NR3C2: variants seen among roughly 807,000 people sequenced by gnomAD.
NR3C2 encodes the protein mineralocorticoid receptor.
A neutral mutation model predicts 86.4 loss-of-function variants in NR3C2; 15 were observed. The observed-to-expected ratio is 0.17, with a 90% CI of 0.12 to 0.27. The LOEUF (loss-of-function observed/expected upper bound fraction) is 0.27, where lower values mean the gene tolerates loss of function less well. Ranked by LOEUF, NR3C2 falls within the 10% of genes least tolerant of loss-of-function variation. NR3C2 has a pLI of 1.00. For missense variants in NR3C2, 960 were observed against 1,195.6 expected, an observed-to-expected ratio of 0.80 and a Z score of 2.91; for synonymous variants, 458 against 450.5, an observed-to-expected ratio of 1.02 and a Z score of -0.21.
At chr4:148,162,980 G>C (rs1734733047) in intron 4 of NR3C2, among the ~76,000 whole-genome samples, 1 of 152,230 alleles carries the variant, frequency 6.6e-6, no homozygotes, top group African/African-American at 2.4e-5. Flanking sequence ...TTCCAGAGTA[G>C]AGGATGAGGT....
intron 2 of NR3C2, among the ~76,000 whole-genome samples, chr4:148,367,542 T>C (rs1746208698): frequency 6.6e-6 from 1 of 152,166 alleles, no homozygotes; most frequent in Non-Finnish European, 1.5e-5. Flanking sequence ...TGTATAAACA[T>C]AGATATTAGC....
At chr4:148,329,699 T>C (rs903456716) in intron 2 of NR3C2, among the ~76,000 whole-genome samples, 25 of 152,238 alleles carry the variant, frequency 1.6e-4, no homozygotes, top group African/African-American at 6.0e-4. Context: ...TAGGACTTTC[T>C]ACATTTTATA....
chr4:148,348,397 T>C (rs1044693085), intron 2 of NR3C2, among the ~76,000 whole-genome samples: 2 of 152,172 alleles, frequency 1.3e-5, no homozygotes, highest in African/African-American at 4.8e-5. Flanking sequence ...CTGTTTTTTA[T>C]ATCTCCAGCA....
At position 148,081,232 on chromosome 4, in the gene NR3C2, T is replaced by C; in HGVS notation, c.*112A>G. 3.5e-6 allele frequency: 5 copies of C among 1,413,684 alleles called. No individual in the cohort carries two copies. Among genetic ancestry groups the C allele is most frequent in the Admixed American group, 1.8e-5 (1 of 54,732 alleles). 87.6% of individuals were successfully genotyped at this position (1,413,684 alleles called of 1,614,324 possible). A position where few individuals can be genotyped will look rare whatever the true frequency, so the allele number is the denominator to read the frequency against. ...ACATGACTTTAAACTTGAGAAACTG[T>C]TGAACAAGTGTGAATCAACCATCAC... On this transcript the variant is annotated 3_prime_UTR_variant, in exon 9 of 9. Transcript: ENST00000358102.
chr4:148,161,114 C>A (rs1222886255), intron 4 of NR3C2, among the ~76,000 whole-genome samples: 2 of 152,110 alleles, frequency 1.3e-5, no homozygotes, highest in African/African-American at 4.8e-5. Flanking sequence ...ATTAGCTTGT[C>A]AATTGATTAT....
At chr4:148,441,237 T>A (rs531024986) in intron 1 of NR3C2, among the ~76,000 whole-genome samples, 48 of 152,340 alleles carry the variant, frequency 3.2e-4, no homozygotes, top group Non-Finnish European at 5.6e-4. Context: ...CACTTTAAAT[T>A]ATTTTTTAAA....
In NR3C2 at chr4:148,221,877, G is replaced by C. The variant is rs112121083; in HGVS notation, c.1898-27015C>G. 2.9e-3 allele frequency among the ~76,000 whole-genome samples: 395 copies of C among 134,040 alleles called. 2 individuals carry two copies. Among genetic ancestry groups the C allele is most frequent in the Non-Finnish European group, 3.9e-3 (251 of 64,828 alleles). The allele number at this position is 134,040 out of a possible 152,430, so 87.9% of individuals were successfully genotyped here. Reference sequence around the variant, plus strand: ...CCATTGCACTCCAGCCTGGGTGACAGAGCAAGACTCTGTCTTAAAAAAAAA... The same window carrying C: ...CCATTGCACTCCAGCCTGGGTGACACAGCAAGACTCTGTCTTAAAAAAAAA... On this transcript the variant is annotated intron_variant, in intron 3 of 8. Coordinates refer to ENST00000358102, the MANE Select transcript of NR3C2 (RefSeq NM_000901.5).
chr4:148,154,985 T>C (rs959243013), intron 4 of NR3C2, 84 bp from the exon 5 acceptor site: 205 of 1,064,870 alleles, frequency 1.9e-4, no homozygotes, highest in Non-Finnish European at 2.6e-4. Flanking sequence ...ACAGTTTTCC[T>C]CTAAATAGAT....
At chr4:148,246,854 T>TA (rs1393021938) in intron 3 of NR3C2, among the ~76,000 whole-genome samples, 2 of 152,316 alleles carry the variant, frequency 1.3e-5, no homozygotes, top group African/African-American at 4.8e-5. Context: ...GTGCCTGGCC[T>TA]AATTTTATAA....
intron 3 of NR3C2, among the ~76,000 whole-genome samples, chr4:148,251,855 G>C (rs1405514461): frequency 6.6e-6 from 1 of 152,078 alleles, no homozygotes; most frequent in Non-Finnish European, 1.5e-5. Context: ...TTAGAGTATA[G>C]CAAGATAACT....
intron 2 of NR3C2, among the ~76,000 whole-genome samples, chr4:148,340,748 A>G (rs572355430): frequency 7.2e-5 from 11 of 152,286 alleles, no homozygotes; most frequent in Admixed American, 3.9e-4. Context: ...TAATCAGAAT[A>G]TATAAGGAAC....
At chr4:148,165,556 A>G (rs61757920) in intron 4 of NR3C2, among the ~76,000 whole-genome samples, 1 of 152,068 alleles carries the variant, frequency 6.6e-6, no homozygotes, top group Non-Finnish European at 1.5e-5. Flanking sequence ...ATTACTTAAC[A>G]TATATTATCA....
chr4:148,082,595 A>G (rs1015024395), intron 8 of NR3C2, among the ~76,000 whole-genome samples: 6 of 151,164 alleles, frequency 4.0e-5, no homozygotes, highest in African/African-American at 1.5e-4. Context: ...TTGGGTGCCT[A>G]TGCCACCAGG....
At chr4:148,215,918 T>C (rs1737511004) in intron 3 of NR3C2, among the ~76,000 whole-genome samples, 1 of 151,884 alleles carries the variant, frequency 6.6e-6, no homozygotes, top group African/African-American at 2.4e-5. Context: ...TAGCTGGGAC[T>C]ATAGGCGCCC....
chr4:148,339,957 C>CA (rs1203659961), intron 2 of NR3C2, among the ~76,000 whole-genome samples: 1 of 151,304 alleles, frequency 6.6e-6, no homozygotes, highest in Non-Finnish European at 1.5e-5. Flanking sequence ...TACAGTGGCT[C>CA]AAAAAAAATT....
At chr4:148,301,755 TC>T (rs1379135163) in intron 2 of NR3C2, among the ~76,000 whole-genome samples, 2 of 152,204 alleles carry the variant, frequency 1.3e-5, no homozygotes, top group African/African-American at 2.4e-5. Context: ...TTAACAGGCT[TC>T]CCAAAATCCA....
chr4:148,160,245 C>T lies in NR3C2; in HGVS notation c.2015-5344G>A, dbSNP rs1734595951. On this transcript the variant is annotated intron_variant, in intron 4 of 8. Transcript: ENST00000358102. ...CCCCGAGGAACTGGCACTGGGGAGGCCCTGCTTCCTATCCTGACCAACCTG... is the reference window on the plus strand; with the variant it reads ...CCCCGAGGAACTGGCACTGGGGAGGTCCTGCTTCCTATCCTGACCAACCTG... 2.6e-5 allele frequency among the ~76,000 whole-genome samples: 4 copies of T among 152,226 alleles called. No individual in the cohort carries two copies. The South Asian group carries it at 8.3e-4, about 32-fold the overall frequency.
intron 3 of NR3C2, among the ~76,000 whole-genome samples, chr4:148,255,735 A>G (rs1739801108): frequency 6.6e-6 from 1 of 152,172 alleles, no homozygotes; most frequent in Non-Finnish European, 1.5e-5. Context: ...AATCTAGTCA[A>G]CTCTGTTCAC....
chr4:148,218,186 T>C (rs1390317202), intron 3 of NR3C2, among the ~76,000 whole-genome samples: 6 of 152,164 alleles, frequency 3.9e-5, no homozygotes, highest in Non-Finnish European at 7.3e-5. Context: ...AAAACAAAGG[T>C]AAATATCATA....
Sources: gnomAD v4.1 joint callset for allele counts (sites outside exome capture counted in the v4.1 genomes callset) on GRCh38, gnomAD v4.1.1 for gene constraint, MANE v1.5 for transcripts, NCBI Gene and HGNC (gene_info 2026-07-23, HGNC 2026-07-21) for gene names.